SLC16A12: variants seen among roughly 807,000 people sequenced by gnomAD.
The protein encoded by SLC16A12 is monocarboxylate transporter 12.
SLC16A12 carries 17 observed loss-of-function variants against 42.4 expected under a neutral mutation model. The observed-to-expected ratio is 0.40, with a 90% confidence interval of 0.27 to 0.60. The LOEUF (loss-of-function observed/expected upper bound fraction) is 0.60. Among genes scored for constraint, SLC16A12 ranks in the 20% least tolerant of loss-of-function variants. The pLI is 0.42. For synonymous variants in SLC16A12, 224 were observed against 229.4 expected (o/e 0.98, Z 0.21); for missense variants, 544 against 623.0 (o/e 0.87, Z 1.35).
At chr10:89,523,417 C>T (rs1843394127) in intron 2 of SLC16A12, among the ~76,000 whole-genome samples, 1 of 152,166 alleles carries the variant, frequency 6.6e-6, no homozygotes, top group Non-Finnish European at 1.5e-5. Flanking sequence ...GACATTATCA[C>T]CAGTGACTCC....
intron 4 of SLC16A12, among the ~76,000 whole-genome samples, chr10:89,441,894 A>T (rs1841918234): frequency 1.3e-5 from 2 of 152,232 alleles, no homozygotes; most frequent in Non-Finnish European, 2.9e-5. Context: ...AATATTAAGT[A>T]AAACCAGAGA....
At chr10:89,545,986 A>G (rs1347550075) in intron 2 of SLC16A12, among the ~76,000 whole-genome samples, 4 of 152,214 alleles carry the variant, frequency 2.6e-5, no homozygotes, top group Non-Finnish European at 5.9e-5. Flanking sequence ...CTGGCTAGCC[A>G]TACGCAGAAA....
At chr10:89,466,129 T>C (rs1265079741) in intron 2 of SLC16A12, among the ~76,000 whole-genome samples, 2 of 152,204 alleles carry the variant, frequency 1.3e-5, no homozygotes, top group Non-Finnish European at 2.9e-5. Context: ...AGTTTACTGA[T>C]CCATAAAATG....
At chr10:89,512,257 G>C (rs1026458921) in intron 2 of SLC16A12, among the ~76,000 whole-genome samples, 1 of 152,200 alleles carries the variant, frequency 6.6e-6, no homozygotes, top group Non-Finnish European at 1.5e-5. Context: ...AATGCGAATG[G>C]TGAACATACT....
chr10:89,441,905 C>T (rs1841918379), intron 4 of SLC16A12, among the ~76,000 whole-genome samples: 1 of 152,114 alleles, frequency 6.6e-6, no homozygotes, highest in Non-Finnish European at 1.5e-5. Flanking sequence ...AAACCAGAGA[C>T]CAAAATGGAA....
intron 2 of SLC16A12, among the ~76,000 whole-genome samples, chr10:89,518,432 G>T (rs894085253): frequency 6.6e-6 from 1 of 152,152 alleles, no homozygotes; most frequent in Non-Finnish European, 1.5e-5. Context: ...AGGCATAGCT[G>T]GTTTCCTTAG....
intron 2 of SLC16A12, among the ~76,000 whole-genome samples, chr10:89,497,777 C>A (rs531325099): frequency 1.3e-5 from 2 of 151,820 alleles, no homozygotes; most frequent in Admixed American, 1.3e-4. Context: ...AAGGCCAAGT[C>A]GATCTTCATT....
Position 89,447,026 on chromosome 10 carries a change from T to C in SLC16A12, c.201-3167A>G, listed in dbSNP as rs565454729. Among the ~76,000 whole-genome samples the C allele has an allele frequency of 1.6e-4, 25 of 152,230 alleles. No individual in the cohort carries two copies. In the South Asian group the frequency reaches 5.2e-3, roughly 32 times the overall value. Reference sequence around the variant, plus strand: ...AGAGACAAAGAAGGCCATTACATAATGGTAAAGGGATCGATTCAACAAGAA... The same window carrying C: ...AGAGACAAAGAAGGCCATTACATAACGGTAAAGGGATCGATTCAACAAGAA... On this transcript the variant is annotated intron_variant, in intron 3 of 7. Transcript: ENST00000371790.
chr10:89,436,896 G>GAA (rs1491203324), intron 6 of SLC16A12, among the ~76,000 whole-genome samples: 1 of 148,778 alleles, frequency 6.7e-6, no homozygotes, highest in Non-Finnish European at 1.5e-5. Flanking sequence ...AAGAAAGAAA[G>GAA]AAAGAAAGAA....
chr10:89,553,048 C>A (rs1843780954), intron 2 of SLC16A12, among the ~76,000 whole-genome samples: 2 of 152,290 alleles, frequency 1.3e-5, no homozygotes, highest in South Asian at 2.1e-4. Context: ...GAGTTTGAGA[C>A]CAGCCTGGCC....
At chr10:89,470,303 C>T (rs568098190) in intron 2 of SLC16A12, among the ~76,000 whole-genome samples, 1 of 152,164 alleles carries the variant, frequency 6.6e-6, no homozygotes, top group Non-Finnish European at 1.5e-5. Context: ...CTATGTTTCC[C>T]ACTCCCTAAG....
chr10:89,509,952 C>A (rs752821397), intron 2 of SLC16A12, among the ~76,000 whole-genome samples: 3 of 152,140 alleles, frequency 2.0e-5, no homozygotes, highest in Non-Finnish European at 2.9e-5. Flanking sequence ...CGATAACAGA[C>A]AGAGAGCCAA....
intron 2 of SLC16A12, among the ~76,000 whole-genome samples, chr10:89,554,075 A>G (rs1257803377): frequency 1.7e-4 from 13 of 74,892 alleles, no homozygotes; most frequent in Admixed American, 4.7e-4. Flanking sequence ...AAAGAAAGAA[A>G]GAAAGAAAGA....
intron 2 of SLC16A12, among the ~76,000 whole-genome samples, 199 bp downstream of exon 2, chr10:89,534,302 C>T (rs1159307874): frequency 6.6e-6 from 1 of 152,126 alleles, no homozygotes; most frequent in Non-Finnish European, 1.5e-5. Flanking sequence ...GGGCAGCTAG[C>T]TGATGATTTT....
chr10:89,551,656 T>A (rs1005527999), intron 2 of SLC16A12, among the ~76,000 whole-genome samples: 10 of 152,188 alleles, frequency 6.6e-5, no homozygotes, highest in Admixed American at 1.3e-4. Flanking sequence ...TTTTCCCCCA[T>A]AATGTTCTCA....
intron 4 of SLC16A12, among the ~76,000 whole-genome samples, chr10:89,443,314 A>G (rs1300549445): frequency 6.6e-6 from 1 of 152,238 alleles, no homozygotes; most frequent in Non-Finnish European, 1.5e-5. Flanking sequence ...GAGATGTGAT[A>G]CAACACTGTT....
At chr10:89,470,927 GACACGT>G (rs1457634417) in intron 2 of SLC16A12, among the ~76,000 whole-genome samples, 1 of 134,242 alleles carries the variant, frequency 7.4e-6, no homozygotes, top group African/African-American at 2.7e-5. Flanking sequence ...CAAGGACACG[GACACGT>G]GAGCTCTCCC....
chr10:89,454,976 G>C (rs1842163227), intron 3 of SLC16A12, among the ~76,000 whole-genome samples: 1 of 152,152 alleles, frequency 6.6e-6, no homozygotes, highest in Non-Finnish European at 1.5e-5. Flanking sequence ...GGAAGGAAAG[G>C]AGGAAGGATT....
At chr10:89,443,118 C>T (rs1462002109) in intron 4 of SLC16A12, among the ~76,000 whole-genome samples, 1 of 152,170 alleles carries the variant, frequency 6.6e-6, no homozygotes, top group African/African-American at 2.4e-5. Flanking sequence ...CCCTACATAC[C>T]TTATATAACA....
Sources: gnomAD v4.1 joint callset for allele counts (sites outside exome capture counted in the v4.1 genomes callset) on GRCh38, gnomAD v4.1.1 for gene constraint, MANE v1.5 for transcripts, NCBI Gene and HGNC (gene_info 2026-07-23, HGNC 2026-07-21) for gene names.